The following SRGAP1 variants were observed in gnomAD, a reference collection of about 807,000 sequenced individuals.
SRGAP1 encodes the protein SLIT-ROBO Rho GTPase-activating protein 1.
Under a neutral mutation model 121.9 loss-of-function variants are expected in SRGAP1, and 43 were observed. The ratio of observed to expected loss-of-function variants is 0.35; its 90% CI spans 0.28 to 0.46. The LOEUF (loss-of-function observed/expected upper bound fraction) is 0.46, where lower values mean the gene tolerates loss of function less well. SRGAP1 is among the 20% of genes least tolerant of loss of function. SRGAP1 has a pLI of 1.00. For missense variants in SRGAP1, 1,102 were observed against 1,350.9 expected (o/e 0.82, Z 2.89); for synonymous variants, 447 against 485.4 (o/e 0.92, Z 1.04).
chr12:64,099,820 A>G (rs1183620498), intron 15 of SRGAP1, among the ~76,000 whole-genome samples: 1 of 152,220 alleles, frequency 6.6e-6, no homozygotes, highest in Non-Finnish European at 1.5e-5. Flanking sequence ...TACATGTACC[A>G]ATTGGATAAA....
At chr12:63,982,436 C>A (rs1302374938) in intron 1 of SRGAP1, 1 of 152,118 alleles carries the variant, frequency 6.6e-6, no homozygotes, top group Non-Finnish European at 1.5e-5. Context: ...ATAGTAAACA[C>A]TGAGTTATTA....
At chr12:63,862,370 G>A (rs1171226517) in intron 1 of SRGAP1, among the ~76,000 whole-genome samples, 2 of 152,108 alleles carry the variant, frequency 1.3e-5, no homozygotes, top group South Asian at 2.1e-4. Flanking sequence ...GGCACAAGAC[G>A]AGCATTTACA....
intron 1 of SRGAP1, among the ~76,000 whole-genome samples, chr12:63,959,644 T>C (rs960080703): frequency 7.2e-5 from 11 of 152,122 alleles, no homozygotes; most frequent in African/African-American, 2.7e-4. Flanking sequence ...ACAGTATGTT[T>C]TTCTGATTAT....
intron 1 of SRGAP1, among the ~76,000 whole-genome samples, chr12:63,871,387 G>A (rs1051636185): frequency 6.6e-6 from 1 of 152,192 alleles, no homozygotes; most frequent in Non-Finnish European, 1.5e-5. Flanking sequence ...GTGGGAGCCT[G>A]ATGAGCCCTT....
In SRGAP1 at chr12:64,148,191, C is replaced by CCAT. The variant is rs2037081801; in HGVS notation, c.*5521_*5523dup. 3 of 152,164 alleles carry CCAT rather than the reference C, an allele frequency of 2.0e-5. No individual in the cohort carries two copies. In the South Asian group the frequency reaches 6.2e-4, roughly 32 times the overall value. 9.4% of individuals were successfully genotyped at this position (152,164 alleles called of 1,614,324 possible). A position where few individuals can be genotyped will look rare whatever the true frequency, so the allele number is the denominator to read the frequency against. ...AAGACTCTAGTTAACCACGGCAAGC[C>CCAT]CATCTTTGGTTTCATTTGAATAAAT... On this transcript the variant is annotated 3_prime_UTR_variant, in exon 22 of 22. Transcript: ENST00000355086.
rs547141627 is a variant in SRGAP1, at chr12:64,025,340, T to C, written c.489+8328T>C. Among the ~76,000 whole-genome samples, 3 of 152,228 alleles carry C rather than the reference T, an allele frequency of 2.0e-5. No individual in the cohort carries two copies. The South Asian group carries it at 6.2e-4, about 32-fold the overall frequency. On this transcript the variant is annotated intron_variant, in intron 4 of 21. Coordinates refer to ENST00000355086, the MANE Select transcript of SRGAP1 (RefSeq NM_020762.4). ...AAGAAGAAACATGCCCAAGGCAAGG[T>C]TGAAAAGTCATTCCGAGAGCCCAAG...
rs1565685746 is a variant in SRGAP1 at position 64,111,973 on chromosome 12, G to A, written c.2131G>A (p.Gly711Arg). The A allele has an allele frequency of 7.4e-6, 12 of 1,613,350 alleles. No homozygotes were observed. Among genetic ancestry groups the A allele is most frequent in the Non-Finnish European group, 6.8e-6 (8 of 1,179,532 alleles). ...DGPVYEKCMA[G>R]DDYCDSPYSE... Reference sequence around the variant, plus strand: ...CCCTGTTTATGAGAAATGTATGGCTGGAGATGACTATTGGTAAGTCTAAGA... The same window carrying A: ...CCCTGTTTATGAGAAATGTATGGCTAGAGATGACTATTGGTAAGTCTAAGA... Residue 711 changes from glycine (G) to arginine (R), a missense_variant, in exon 17 of 22, where the codon GGA becomes AGA. Gly to Arg is a moderately radical substitution (Grantham distance 125). Coordinates refer to ENST00000355086, the MANE Select transcript of SRGAP1 (RefSeq NM_020762.4).
chr12:63,925,971 G>A (rs972694630), intron 1 of SRGAP1, among the ~76,000 whole-genome samples: 23 of 152,158 alleles, frequency 1.5e-4, no homozygotes, highest in African/African-American at 5.3e-4. Flanking sequence ...GCATAAATAA[G>A]ATGGTCCCTT....
At chr12:63,856,206 C>T (rs370010331) in intron 1 of SRGAP1, among the ~76,000 whole-genome samples, 2 of 151,932 alleles carry the variant, frequency 1.3e-5, no homozygotes, top group African/African-American at 4.8e-5. Context: ...GAGCCAAGAT[C>T]GCACCATTGC....
chr12:64,043,512 A>T lies in SRGAP1; in HGVS notation c.738A>T (p.Thr246=). 3 of 1,612,374 alleles carry T rather than the reference A, an allele frequency of 1.9e-6. No individual in the cohort carries two copies. Among genetic ancestry groups the T allele is most frequent in the Non-Finnish European group, 2.5e-6 (3 of 1,178,936 alleles). Reference sequence around the variant, plus strand: ...AGGCACGGAACGAATATCTCCTAACACTTGAAGCCACCAATGCCTCAGTTT... The same window carrying T: ...AGGCACGGAACGAATATCTCCTAACTCTTGAAGCCACCAATGCCTCAGTTT... ...SIKARNEYLL[T]LEATNASVFK... is the part of the protein sequence containing the mutation. Residue 246 remains threonine (T), a synonymous_variant, in exon 6 of 22, where the codon ACA becomes ACT. Transcript: ENST00000355086.
At chr12:63,867,394 C>A (rs1280734563) in intron 1 of SRGAP1, among the ~76,000 whole-genome samples, 1 of 152,140 alleles carries the variant, frequency 6.6e-6, no homozygotes, top group African/African-American at 2.4e-5. Flanking sequence ...ACAAGATTGT[C>A]TTTCAAATGG....
At chr12:64,012,675 C>T (rs1055563472) in intron 3 of SRGAP1, among the ~76,000 whole-genome samples, 8 of 149,760 alleles carry the variant, frequency 5.3e-5, no homozygotes, top group African/African-American at 2.0e-4. Context: ...ACCTCAGCCT[C>T]TCATAGCTGG....
intron 1 of SRGAP1, among the ~76,000 whole-genome samples, chr12:63,901,503 T>G (rs993286602): frequency 1.3e-5 from 2 of 152,216 alleles, no homozygotes; most frequent in African/African-American, 4.8e-5. Context: ...AATGTTACTT[T>G]GTCCACACAC....
At chr12:63,893,090 A>G in intron 1 of SRGAP1, among the ~76,000 whole-genome samples, 1 of 152,144 alleles carries the variant, frequency 6.6e-6, no homozygotes, top group East Asian at 1.9e-4. Context: ...TGCTACATGA[A>G]TCCAATCTTT....
In SRGAP1 at chr12:64,126,111, G is replaced by T; in HGVS notation, c.2359G>T (p.Gly787Trp). The part of the protein sequence containing the change: ...SEDWWEGRHN[G>W]IDGLVPHQYI... ...GGACTGGTGGGAAGGCAGGCACAAC[G>T]GGATTGACGGGCTGGTGCCTCACCA... The change falls in exon 19 of 22, where the codon GGG becomes TGG. Residue 787 changes from glycine (G) to tryptophan (W), a missense_variant. Gly to Trp is a radical substitution (Grantham distance 184). Transcript: ENST00000355086. 6.2e-7 allele frequency: 1 copy of T among 1,614,186 alleles called. No homozygotes were observed. The highest frequency in any genetic ancestry group is 2.2e-5 in the East Asian group (1 of 44,884).
chr12:63,874,654 G>A (rs1185399898), intron 1 of SRGAP1, among the ~76,000 whole-genome samples: 2 of 152,010 alleles, frequency 1.3e-5, no homozygotes, highest in East Asian at 1.9e-4. Flanking sequence ...TTTTTTAAAA[G>A]CTCCTTCTTT....
intron 4 of SRGAP1, among the ~76,000 whole-genome samples, chr12:64,019,482 A>G (rs1391476530): frequency 2.0e-5 from 3 of 152,118 alleles, no homozygotes; most frequent in Admixed American, 2.0e-4. Flanking sequence ...GCTCCTGGGG[A>G]AAAAATTTAC....
At chr12:64,001,336 T>G (rs542185786) in intron 3 of SRGAP1, among the ~76,000 whole-genome samples, 28 of 152,352 alleles carry the variant, frequency 1.8e-4, no homozygotes, top group African/African-American at 6.5e-4. Context: ...CACACTTAGT[T>G]TGGGTAGATT....
intron 1 of SRGAP1, among the ~76,000 whole-genome samples, chr12:63,977,645 G>GCAC (rs2033128291): frequency 7.0e-6 from 1 of 142,852 alleles, no homozygotes; most frequent in Non-Finnish European, 1.5e-5. Context: ...AGTATTAGCA[G>GCAC]ATTTTTATAG....
Sources: gnomAD v4.1 joint callset for allele counts (sites outside exome capture counted in the v4.1 genomes callset) on GRCh38, gnomAD v4.1.1 for gene constraint, MANE v1.5 for transcripts, NCBI Gene and HGNC (gene_info 2026-07-23, HGNC 2026-07-21) for gene names.